The following HHAT variants were observed in gnomAD, a reference collection of about 807,000 sequenced individuals.
HHAT encodes the protein hedgehog acyltransferase, also known as protein-cysteine N-palmitoyltransferase HHAT.
In HHAT, 47 loss-of-function variants were observed where a neutral mutation model predicts 70.8. The observed-to-expected ratio is 0.66, with a 90% confidence interval of 0.53 to 0.85. The LOEUF (loss-of-function observed/expected upper bound fraction) is 0.85. HHAT is among the 40% of genes least tolerant of loss of function. HHAT has a pLI of 0.00. For missense variants in HHAT, 609 were observed against 604.8 expected (o/e 1.01, Z -0.07); for synonymous variants, 228 against 247.6 (o/e 0.92, Z 0.74).
chr1:210,653,842 AG>A (rs1385528239), intron 11 of HHAT, among the ~76,000 whole-genome samples: 3 of 7,840 alleles, frequency 3.8e-4, no homozygotes, highest in Admixed American at 1.7e-3. Flanking sequence ...TTGTTGAGGG[AG>A]GGTCTTCATG....
intron 10 of HHAT, among the ~76,000 whole-genome samples, chr1:210,623,204 T>G (rs1194307823): frequency 6.6e-6 from 1 of 152,096 alleles, no homozygotes; most frequent in Admixed American, 6.6e-5. Context: ...CCCGAGTAGC[T>G]GGGACTACAG....
At chr1:210,428,397 T>C (rs979414813) in intron 7 of HHAT, among the ~76,000 whole-genome samples, 4 of 148,150 alleles carry the variant, frequency 2.7e-5, no homozygotes, top group Non-Finnish European at 4.4e-5. Flanking sequence ...TCCTTTCACA[T>C]TACTAAATTT....
chr1:210,331,495 A>G (rs942628163), intron 1 of HHAT, among the ~76,000 whole-genome samples: 3 of 152,206 alleles, frequency 2.0e-5, no homozygotes, highest in South Asian at 2.1e-4. Flanking sequence ...GTCATTTGCT[A>G]TCTCAAACAG....
intron 1 of HHAT, among the ~76,000 whole-genome samples, chr1:210,332,737 G>C (rs994362731): frequency 2.0e-5 from 3 of 152,204 alleles, no homozygotes; most frequent in Non-Finnish European, 2.9e-5. Context: ...GGCTTCATTG[G>C]ATAGCCAGTG....
intron 11 of HHAT, among the ~76,000 whole-genome samples, chr1:210,651,897 A>G (rs1675241973): frequency 6.6e-6 from 1 of 152,198 alleles, no homozygotes; most frequent in Non-Finnish European, 1.5e-5. Context: ...AAAGGGGCTA[A>G]TGGAGCTGGA....
At chr1:210,668,172 T>G (rs1381832367) in intron 11 of HHAT, among the ~76,000 whole-genome samples, 9 of 152,244 alleles carry the variant, frequency 5.9e-5, no homozygotes, top group Non-Finnish European at 1.3e-4. Flanking sequence ...AAATAATCTC[T>G]TGTATTTTTA....
At chr1:210,579,968 G>A (rs983576754) in intron 9 of HHAT, among the ~76,000 whole-genome samples, 3 of 152,276 alleles carry the variant, frequency 2.0e-5, no homozygotes, top group Middle Eastern at 3.4e-3. Flanking sequence ...TTCATGGAGC[G>A]AAAAGAAAGA....
intron 6 of HHAT, among the ~76,000 whole-genome samples, chr1:210,406,724 T>C (rs1423185400): frequency 1.3e-5 from 2 of 152,102 alleles, no homozygotes; most frequent in African/African-American, 4.8e-5. Context: ...GTAAGAATAT[T>C]AGAGGCCTCT....
intron 7 of HHAT, among the ~76,000 whole-genome samples, chr1:210,451,201 G>A (rs2093750442): frequency 6.6e-6 from 1 of 152,136 alleles, no homozygotes; most frequent in Non-Finnish European, 1.5e-5. Flanking sequence ...ATTAGATTGG[G>A]TCTGGGTCGC....
At chr1:210,519,936 C>A (rs967069951) in intron 9 of HHAT, among the ~76,000 whole-genome samples, 10 of 149,858 alleles carry the variant, frequency 6.7e-5, no homozygotes, top group African/African-American at 2.5e-4. Context: ...TGTTGAGTAT[C>A]TTTTCATATA....
At chr1:210,530,765 G>A (rs1366292964) in intron 9 of HHAT, among the ~76,000 whole-genome samples, 7 of 151,980 alleles carry the variant, frequency 4.6e-5, no homozygotes, top group African/African-American at 1.7e-4. Flanking sequence ...CATGTTGACC[G>A]AACTAAGCCA....
intron 9 of HHAT, among the ~76,000 whole-genome samples, chr1:210,554,600 C>G (rs888835735): frequency 6.6e-6 from 1 of 152,050 alleles, no homozygotes; most frequent in Non-Finnish European, 1.5e-5. Flanking sequence ...AATATACTAG[C>G]GAGGAGGCGG....
intron 9 of HHAT, among the ~76,000 whole-genome samples, chr1:210,539,914 C>T (rs773449152): frequency 5.9e-5 from 9 of 152,208 alleles, no homozygotes; most frequent in Middle Eastern, 3.2e-3. Context: ...ATTCTCAGAT[C>T]ATCAAGGGCT....
chr1:210,503,545 T>C (rs1400679211), intron 8 of HHAT, among the ~76,000 whole-genome samples: 1 of 152,230 alleles, frequency 6.6e-6, no homozygotes, highest in Admixed American at 6.5e-5. Flanking sequence ...CTTCTGTACC[T>C]ATCACCTGGT....
intron 10 of HHAT, among the ~76,000 whole-genome samples, chr1:210,599,450 A>G (rs774454120): frequency 9.9e-5 from 15 of 152,122 alleles, no homozygotes; most frequent in Non-Finnish European, 1.9e-4. Flanking sequence ...CACGTGTAAT[A>G]TGGAGCTCGT....
chr1:210,515,082 G>A (rs2095031231), intron 9 of HHAT, among the ~76,000 whole-genome samples: 1 of 152,224 alleles, frequency 6.6e-6, no homozygotes. Context: ...CCAGTGTTCT[G>A]TGAAGCAAGC....
At chr1:210,431,581 T>C (rs2093244891) in intron 7 of HHAT, among the ~76,000 whole-genome samples, 1 of 151,904 alleles carries the variant, frequency 6.6e-6, no homozygotes, top group African/African-American at 2.4e-5. Context: ...CCACTATACC[T>C]GTTTTTAAGA....
intron 10 of HHAT, among the ~76,000 whole-genome samples, chr1:210,617,584 A>C (rs1339652028): frequency 6.6e-6 from 1 of 152,204 alleles, no homozygotes; most frequent in African/African-American, 2.4e-5. Context: ...TAAGTTCTCT[A>C]ACTAGACAGA....
chr1:210,665,236 A>G (rs561826618), intron 11 of HHAT, among the ~76,000 whole-genome samples: 247 of 152,336 alleles, frequency 1.6e-3, no homozygotes, highest in African/African-American at 5.7e-3. Context: ...TAATGACAAA[A>G]CTACAATTAC....
Sources: gnomAD v4.1 joint callset for allele counts (sites outside exome capture counted in the v4.1 genomes callset) on GRCh38, gnomAD v4.1.1 for gene constraint, MANE v1.5 for transcripts, NCBI Gene and HGNC (gene_info 2026-07-23, HGNC 2026-07-21) for gene names.